The following KCNK3 variants were observed in gnomAD, a reference collection of about 807,000 sequenced individuals.
KCNK3 encodes potassium channel subfamily K member 3.
KCNK3 carries 9 observed loss-of-function variants against 27.3 expected under a neutral mutation model. The observed-to-expected ratio is 0.33, with a 90% CI of 0.20 to 0.57. The LOEUF (loss-of-function observed/expected upper bound fraction) is 0.57, where lower values mean the gene tolerates loss of function less well. Ranked by LOEUF, KCNK3 falls within the 20% of genes least tolerant of loss-of-function variation. KCNK3 has a pLI of 0.87. For missense variants in KCNK3, 391 were observed against 577.7 expected (o/e 0.68, Z 3.31); for synonymous variants, 278 against 273.8 (o/e 1.02, Z -0.15).
Position 26,728,521 on chromosome 2 carries a change from A to T in KCNK3, c.1138A>T (p.Ser380Cys). Residue 380 changes from serine to cysteine, a missense_variant, in exon 2 of 2, where the codon AGC becomes TGC. Physicochemically the swap from Ser to Cys is moderately radical, Grantham distance 112 (BLOSUM62 -1). Coordinates refer to ENST00000302909, the MANE Select transcript of KCNK3 (RefSeq NM_002246.3). ...AISSVSTGLH[S>C]LSTFRGLMKR... is the part of the protein sequence containing the mutation. ...CAGCTCGGTGTCCACGGGTCTGCAC[A>T]GCCTGTCCACCTTCCGCGGCCTCAT... The T allele has an allele frequency of 6.7e-7, 1 of 1,491,242 alleles. No individual in the cohort carries two copies. The highest frequency in any genetic ancestry group is 8.9e-7 in the Non-Finnish European group (1 of 1,118,626). The allele number at this position is 1,491,242 out of a possible 1,614,324, so 92.4% of individuals were successfully genotyped here.
At chr2:26,702,993 G>C (rs965196525) in intron 1 of KCNK3, among the ~76,000 whole-genome samples, 1 of 152,188 alleles carries the variant, frequency 6.6e-6, no homozygotes, top group Non-Finnish European at 1.5e-5. Context: ...GGGGGCACCT[G>C]TAATCCCAGC....
At position 26,728,476 on chromosome 2, in the gene KCNK3, G is replaced by C. The variant is rs768903706; in HGVS notation, c.1093G>C (p.Gly365Arg). 4 of 1,550,660 alleles carry C rather than the reference G, an allele frequency of 2.6e-6. No individual in the cohort carries two copies. In the Admixed American group the frequency reaches 5.5e-5, roughly 21 times the overall value. Reference sequence around the variant, plus strand: ...GCCCTCGCGACGCTGCCTGTGCAGCGGGGCGCCACGCTCCGCCATCAGCTC... The same window carrying C: ...GCCCTCGCGACGCTGCCTGTGCAGCCGGGCGCCACGCTCCGCCATCAGCTC... ...DTPSRRCLCS[G>R]APRSAISSVS... Residue 365 changes from glycine (G) to arginine (R), a missense_variant, in exon 2 of 2, where the codon GGG (glycine) becomes CGG (arginine). This residue lies in a region of KCNK3 where 192 missense variants were observed against 196.0 expected (regional missense o/e 0.98). Transcript: ENST00000302909.
chr2:26,711,490 C>A (rs937997145), intron 1 of KCNK3, among the ~76,000 whole-genome samples: 1 of 152,136 alleles, frequency 6.6e-6, no homozygotes, highest in Non-Finnish European at 1.5e-5. Flanking sequence ...CTGCCCTCCA[C>A]GTTTTCTGTT....
At position 26,724,560 on chromosome 2, in the gene KCNK3, G is replaced by T. The variant is rs145545543; in HGVS notation, c.284-3107G>T. ...GATTAAGTTAAAAATACATCTGAAG[G>T]GTAAGAACTTATTATTCTTAAGCCT... On this transcript the variant is annotated intron_variant, in intron 1 of 1. Transcript: ENST00000302909. The T allele has an allele frequency of 7.2e-4, 701 of 978,102 alleles. 1 individual carries two copies. In the African/African-American group the frequency reaches 0.012, roughly 16 times the overall value. The allele number at this position is 978,102 out of a possible 1,614,324, so 60.6% of individuals were successfully genotyped here.
At chr2:26,720,065 C>G (rs950427322) in intron 1 of KCNK3, among the ~76,000 whole-genome samples, 1 of 152,150 alleles carries the variant, frequency 6.6e-6, no homozygotes, top group African/African-American at 2.4e-5. Flanking sequence ...GAGTTTGAGA[C>G]CAGCCTGGCC....
chr2:26,710,802 G>T (rs957859992), intron 1 of KCNK3, among the ~76,000 whole-genome samples: 1 of 152,178 alleles, frequency 6.6e-6, no homozygotes, highest in Non-Finnish European at 1.5e-5. Flanking sequence ...GAATAGAGCA[G>T]ACCCAACACC....
chr2:26,708,402 G>A (rs572161744), intron 1 of KCNK3, among the ~76,000 whole-genome samples: 15 of 152,284 alleles, frequency 9.9e-5, no homozygotes, highest in South Asian at 4.1e-4. Flanking sequence ...GGCTGGGCGC[G>A]GTGGCTCACA....
At chr2:26,726,110 G>C (rs200115486) in intron 1 of KCNK3, among the ~76,000 whole-genome samples, 24 of 67,202 alleles carry the variant, frequency 3.6e-4, no homozygotes, top group African/African-American at 2.5e-3. Context: ...CACACACAGA[G>C]AGAGAGAGAG....
chr2:26,705,445 A>G (rs1670360653), intron 1 of KCNK3, among the ~76,000 whole-genome samples: 2 of 152,124 alleles, frequency 1.3e-5, no homozygotes, highest in South Asian at 4.1e-4. Context: ...TACTTTGCCA[A>G]CAAAGAAATT....
intron 1 of KCNK3, among the ~76,000 whole-genome samples, chr2:26,725,229 T>G (rs1217772349): frequency 6.6e-6 from 1 of 152,106 alleles, no homozygotes; most frequent in Non-Finnish European, 1.5e-5. Flanking sequence ...CCTTCCCCTG[T>G]GAGATCCCAC....
intron 1 of KCNK3, among the ~76,000 whole-genome samples, chr2:26,699,236 A>T (rs1670275812): frequency 6.6e-6 from 1 of 150,918 alleles, no homozygotes; most frequent in African/African-American, 2.5e-5. Context: ...AAAGAAAGAA[A>T]GAAAGAAAGA....
chr2:26,726,440 G>A (rs573818923), intron 1 of KCNK3, among the ~76,000 whole-genome samples: 1 of 152,258 alleles, frequency 6.6e-6, no homozygotes, highest in Admixed American at 6.5e-5. Flanking sequence ...AGGACTGCAT[G>A]GAAGAAGAAA....
At chr2:26,711,800 G>C (rs1663113101) in intron 1 of KCNK3, among the ~76,000 whole-genome samples, 1 of 152,336 alleles carries the variant, frequency 6.6e-6, no homozygotes, top group Admixed American at 6.5e-5. Context: ...CAGTGACAGA[G>C]GCATTTAATC....
intron 1 of KCNK3, among the ~76,000 whole-genome samples, chr2:26,696,645 C>T (rs1670238841): frequency 6.6e-6 from 1 of 152,208 alleles, no homozygotes; most frequent in Admixed American, 6.5e-5. Context: ...CCTAAGTTCA[C>T]CCAACAGTAA....
At chr2:26,705,222 G>T (rs1193382619) in intron 1 of KCNK3, among the ~76,000 whole-genome samples, 1 of 152,120 alleles carries the variant, frequency 6.6e-6, no homozygotes, top group South Asian at 2.1e-4. Flanking sequence ...GCCTCCCAAA[G>T]TTCTGGAATT....
chr2:26,704,152 C>T (rs922542316), intron 1 of KCNK3, among the ~76,000 whole-genome samples: 3 of 152,174 alleles, frequency 2.0e-5, no homozygotes, highest in Admixed American at 6.5e-5. Flanking sequence ...CAGCAGCCCT[C>T]TGTCAGCCCC....
At chr2:26,711,910 G>A (rs1663121268) in intron 1 of KCNK3, among the ~76,000 whole-genome samples, 2 of 152,154 alleles carry the variant, frequency 1.3e-5, no homozygotes, top group Admixed American at 1.3e-4. Context: ...CAGCTGGGGG[G>A]AGCTGGGTCC....
At chr2:26,702,601 G>T (rs752345379) in intron 1 of KCNK3, among the ~76,000 whole-genome samples, 1 of 152,298 alleles carries the variant, frequency 6.6e-6, no homozygotes, top group Admixed American at 6.5e-5. Context: ...GACCAAAGAT[G>T]AATTGCACTG....
intron 1 of KCNK3, among the ~76,000 whole-genome samples, chr2:26,694,229 TC>T (rs1558592943): frequency 2.0e-5 from 3 of 152,042 alleles, no homozygotes; most frequent in African/African-American, 4.8e-5. Flanking sequence ...CAAGAGCTCC[TC>T]CCCAGCCCCG....
Sources: gnomAD v4.1 joint callset for allele counts (sites outside exome capture counted in the v4.1 genomes callset) on GRCh38, gnomAD v4.1.1 for gene constraint, gnomAD v4.1.1 regional missense constraint, MANE v1.5 for transcripts, NCBI Gene and HGNC (gene_info 2026-07-23, HGNC 2026-07-21) for gene names.